PTPRD: variants seen among roughly 807,000 people sequenced by gnomAD.
The protein encoded by PTPRD is receptor-type tyrosine-protein phosphatase delta.
PTPRD carries 34 observed loss-of-function variants against 214.5 expected under a neutral mutation model. The observed-to-expected ratio is 0.16, with a 90% CI of 0.12 to 0.21. The LOEUF (loss-of-function observed/expected upper bound fraction) is 0.21, where lower values mean the gene tolerates loss of function less well. PTPRD is among the 10% of genes least tolerant of loss of function. The pLI is 1.00. For synonymous variants in PTPRD, 1,128 were observed against 845.7 expected, an observed-to-expected ratio of 1.33 and a Z score of -5.79; for missense variants, 2,545 against 2,398.7, an observed-to-expected ratio of 1.06 and a Z score of -1.27.
rs115318298 is a variant in PTPRD at position 9,101,204 on chromosome 9, A to C, written c.-143+82100T>G. Among the ~76,000 whole-genome samples the C allele has an allele frequency of 9.3e-3, 1,410 of 152,188 alleles. 18 individuals are homozygous for C. Among genetic ancestry groups the C allele is most frequent in the African/African-American group, 0.027 (1,125 of 41,520 alleles). ...AACAAACCCGAAACAAACAAACAAA[A>C]AAAAATGCTCATTATAGATATAAAA... On this transcript the variant is annotated intron_variant, in intron 10 of 45. Transcript: ENST00000381196.
At chr9:9,579,599 T>C (rs2154310790) in intron 7 of PTPRD, among the ~76,000 whole-genome samples, 1 of 152,122 alleles carries the variant, frequency 6.6e-6, no homozygotes, top group South Asian at 2.1e-4. Context: ...CCACACCTCC[T>C]CTAACAGGCC....
At chr9:10,563,555 A>C (rs1400477679) in intron 2 of PTPRD, among the ~76,000 whole-genome samples, 1 of 152,168 alleles carries the variant, frequency 6.6e-6, no homozygotes, top group Non-Finnish European at 1.5e-5. Flanking sequence ...CTAATGAATT[A>C]GTTACATTAT....
At chr9:9,164,039 A>G (rs1271413590) in intron 10 of PTPRD, among the ~76,000 whole-genome samples, 1 of 152,096 alleles carries the variant, frequency 6.6e-6, no homozygotes, top group African/African-American at 2.4e-5. Flanking sequence ...CCTTATCATA[A>G]CACCTATCAT....
At chr9:9,807,562 C>A (rs1000440409) in intron 5 of PTPRD, among the ~76,000 whole-genome samples, 28 of 152,320 alleles carry the variant, frequency 1.8e-4, no homozygotes, top group South Asian at 2.1e-4. Context: ...ATACTCTCCA[C>A]TGATGCTTGC....
intron 9 of PTPRD, among the ~76,000 whole-genome samples, chr9:9,378,914 T>G (rs1019808634): frequency 9.9e-5 from 15 of 151,970 alleles, no homozygotes; most frequent in African/African-American, 3.4e-4. Context: ...CCTTATCAGA[T>G]GTATCCTTTG....
intron 9 of PTPRD, among the ~76,000 whole-genome samples, chr9:9,372,399 G>C (rs1009716567): frequency 1.6e-4 from 25 of 152,062 alleles, no homozygotes; most frequent in Middle Eastern, 3.4e-3. Flanking sequence ...ATCTTTGTTG[G>C]TTTAAAGTCT....
chr9:8,422,147 C>CAAAAAA (rs768623202), intron 35 of PTPRD, among the ~76,000 whole-genome samples: 24 of 33,986 alleles, frequency 7.1e-4, no homozygotes, highest in African/African-American at 1.2e-3. Flanking sequence ...ACCCTGTCTC[C>CAAAAAA]AAAAAAAAAA....
intron 2 of PTPRD, among the ~76,000 whole-genome samples, chr9:10,381,720 G>A (rs2097828857): frequency 6.6e-6 from 1 of 151,912 alleles, no homozygotes; most frequent in Non-Finnish European, 1.5e-5. Context: ...GTTATCTACA[G>A]ATTTTTTGGC....
chr9:10,060,422 C>T (rs893580196), intron 3 of PTPRD, among the ~76,000 whole-genome samples: 1 of 152,058 alleles, frequency 6.6e-6, no homozygotes, highest in Admixed American at 6.6e-5. Context: ...AGTGTCATTA[C>T]TGCCTTCTTA....
chr9:9,753,188 A>C (rs1388699914), intron 6 of PTPRD, among the ~76,000 whole-genome samples: 1 of 152,074 alleles, frequency 6.6e-6, no homozygotes, highest in Non-Finnish European at 1.5e-5. Flanking sequence ...CCCCAAGGAC[A>C]TCACTACTGT....
chr9:8,590,205 A>C (rs2093992844), intron 14 of PTPRD, among the ~76,000 whole-genome samples: 1 of 152,132 alleles, frequency 6.6e-6, no homozygotes, highest in African/African-American at 2.4e-5. Context: ...TCAAATATAG[A>C]CTTCCTTAAG....
chr9:9,861,044 T>A (rs1244109182), intron 5 of PTPRD, among the ~76,000 whole-genome samples: 2 of 152,138 alleles, frequency 1.3e-5, no homozygotes, highest in Non-Finnish European at 2.9e-5. Flanking sequence ...AATTATTTTT[T>A]AAAAAAGAGA....
chr9:8,485,861 G>T lies in PTPRD; in HGVS notation c.2956C>A (p.Pro986Thr). ...ACTTTTACATCGTATGTGGTATCTG[G>T]TTTTAAGCCAGTGAGTGTCATAGTG... ...DTTMTLTGLK[P>T]DTTYDVKVRA... Residue 986 changes from proline (P) to threonine (T), a missense_variant, in exon 28 of 46, where the codon CCA becomes ACA. Transcript: ENST00000381196. 6.2e-7 allele frequency: 1 copy of T among 1,614,156 alleles called. No homozygotes were observed. Among genetic ancestry groups the T allele is most frequent in the Non-Finnish European group, 8.5e-7 (1 of 1,180,020 alleles).
intron 9 of PTPRD, among the ~76,000 whole-genome samples, chr9:9,314,046 T>C (rs1369339330): frequency 6.6e-6 from 1 of 152,076 alleles, no homozygotes; most frequent in Non-Finnish European, 1.5e-5. Flanking sequence ...AAGAGGAAAA[T>C]TGTTTATTTC....
At chr9:10,228,328 AG>A (rs1371034866) in intron 3 of PTPRD, among the ~76,000 whole-genome samples, 1 of 152,008 alleles carries the variant, frequency 6.6e-6, no homozygotes, top group Non-Finnish European at 1.5e-5. Context: ...CAACTAGAAA[AG>A]GCACTTTTAA....
chr9:8,709,250 C>G (rs942342573), intron 12 of PTPRD, among the ~76,000 whole-genome samples: 1 of 151,988 alleles, frequency 6.6e-6, no homozygotes, highest in Non-Finnish European at 1.5e-5. Flanking sequence ...CGCAGTGGCT[C>G]GCACCTGTAA....
At chr9:9,655,859 T>C (rs953902981) in intron 7 of PTPRD, among the ~76,000 whole-genome samples, 1 of 151,770 alleles carries the variant, frequency 6.6e-6, no homozygotes, top group African/African-American at 2.4e-5. Flanking sequence ...GTGCCTGTAA[T>C]CCGAGATACT....
intron 10 of PTPRD, among the ~76,000 whole-genome samples, chr9:9,146,022 C>G (rs1399186907): frequency 6.6e-6 from 1 of 152,194 alleles, no homozygotes; most frequent in African/African-American, 2.4e-5. Flanking sequence ...TTTGTCCACT[C>G]CACCCACTCA....
intron 7 of PTPRD, among the ~76,000 whole-genome samples, chr9:9,636,784 T>A (rs182365629): frequency 1.3e-5 from 2 of 152,326 alleles, no homozygotes; most frequent in African/African-American, 4.8e-5. Context: ...AGTCTCTTTA[T>A]CCTGCTATAA....
Sources: allele counts gnomAD v4.1 joint callset (sites outside exome capture counted in the v4.1 genomes callset), GRCh38; gene constraint gnomAD v4.1.1; transcripts MANE v1.5; gene names NCBI Gene and HGNC (gene_info 2026-07-23, HGNC 2026-07-21).